Variants in TRPC4 observed in about 807,000 individuals in gnomAD.
TRPC4 encodes short transient receptor potential channel 4.
TRPC4 carries 49 observed loss-of-function variants against 99.4 expected under a neutral mutation model. The observed-to-expected ratio is 0.49, with a 90% CI of 0.39 to 0.63. The LOEUF is 0.63. Ranked by LOEUF, TRPC4 falls within the 20% of genes least tolerant of loss-of-function variation. The pLI, the probability that TRPC4 is intolerant of heterozygous loss-of-function variation, is 0.00. For missense variants in TRPC4, 898 were observed against 1,152.9 expected, an observed-to-expected ratio of 0.78 and a Z score of 3.20; for synonymous variants, 454 against 425.9, an observed-to-expected ratio of 1.07 and a Z score of -0.81.
intron 2 of TRPC4, among the ~76,000 whole-genome samples, chr13:37,755,461 A>T (rs1008489931): frequency 6.6e-6 from 1 of 151,790 alleles, no homozygotes; most frequent in African/African-American, 2.4e-5. Context: ...TAGTAGAGAC[A>T]GGGTCTCACT....
intron 2 of TRPC4, among the ~76,000 whole-genome samples, chr13:37,762,571 C>G (rs1275653183): frequency 2.0e-5 from 3 of 151,366 alleles, no homozygotes; most frequent in African/African-American, 7.3e-5. Flanking sequence ...TTTGTATGGA[C>G]ATGGATGAAA....
intron 3 of TRPC4, among the ~76,000 whole-genome samples, chr13:37,703,834 C>T (rs573511474): frequency 6.6e-6 from 1 of 151,912 alleles, no homozygotes; most frequent in South Asian, 2.1e-4. Context: ...TTACTCTAGG[C>T]ATTTATCCAA....
chr13:37,728,277 G>T (rs1275247758), intron 3 of TRPC4, among the ~76,000 whole-genome samples: 1 of 151,970 alleles, frequency 6.6e-6, no homozygotes, highest in South Asian at 2.1e-4. Context: ...AGTCTTATAT[G>T]CAGAAAACCC....
rs1566138476 is a variant in TRPC4 at position 37,745,485 on chromosome 13, C to T, written c.897+452G>A. Among the ~76,000 whole-genome samples, 39 of 119,712 alleles carry T rather than the reference C, an allele frequency of 3.3e-4. 1 individual carries two copies. The highest frequency in any genetic ancestry group is 6.5e-4 in the Admixed American group (8 of 12,336). The allele number at this position is 119,712 out of a possible 152,430, so 78.5% of individuals were successfully genotyped here. A position where few individuals can be genotyped will look rare whatever the true frequency, so the allele number is the denominator to read the frequency against. Reference sequence around the variant, plus strand: ...ATATATATATATATACACACACACACACACTTATATATACGTATATATGTA... The same window carrying T: ...ATATATATATATATACACACACACATACACTTATATATACGTATATATGTA... On this transcript the variant is annotated intron_variant, in intron 3 of 10. Transcript: ENST00000379705.
intron 1 of TRPC4, among the ~76,000 whole-genome samples, chr13:37,787,018 A>T (rs1375649572): frequency 6.6e-6 from 1 of 152,060 alleles, no homozygotes; most frequent in East Asian, 1.9e-4. Context: ...TAAGCAACAT[A>T]AAGATATACA....
chr13:37,667,301 A>G (rs1014677188), intron 5 of TRPC4, among the ~76,000 whole-genome samples: 2 of 152,084 alleles, frequency 1.3e-5, no homozygotes, highest in African/African-American at 4.8e-5. Flanking sequence ...TCATCTATGT[A>G]TCTCCTCAGG....
chr13:37,757,309 T>A (rs943781812), intron 2 of TRPC4, among the ~76,000 whole-genome samples: 1 of 152,044 alleles, frequency 6.6e-6, no homozygotes, highest in Admixed American at 6.6e-5. Flanking sequence ...TGAAGGAAAT[T>A]ACATATTCCA....
chr13:37,760,419 C>CT (rs2139236240), intron 2 of TRPC4, among the ~76,000 whole-genome samples: 1 of 151,936 alleles, frequency 6.6e-6, no homozygotes, highest in African/African-American at 2.4e-5. Flanking sequence ...CATTGGGCTG[C>CT]TTTTTTGCCT....
intron 4 of TRPC4, among the ~76,000 whole-genome samples, chr13:37,684,064 A>G (rs919266690): frequency 2.0e-5 from 3 of 152,162 alleles, no homozygotes; most frequent in Non-Finnish European, 4.4e-5. Flanking sequence ...CCTTAATAAA[A>G]CCATTATATG....
chr13:37,664,151 A>T (rs1952553312), intron 5 of TRPC4, among the ~76,000 whole-genome samples: 1 of 152,234 alleles, frequency 6.6e-6, no homozygotes, highest in Admixed American at 6.5e-5. Context: ...GTAAACTTTG[A>T]CCAGCAATTA....
chr13:37,805,878 A>C lies in TRPC4; in HGVS notation c.-27-22518T>G, dbSNP rs562931740. ...TTTCTTGATGTCTTTACTTGTGAAA[A>C]ATTCCACTGTTTATACAATGTCTTA... On this transcript the variant is annotated intron_variant, in intron 1 of 10. Transcript: ENST00000379705. Among the ~76,000 whole-genome samples, 7 of 152,180 alleles carry C rather than the reference A, an allele frequency of 4.6e-5. No individual in the cohort carries two copies. In the East Asian group the frequency reaches 1.4e-3, roughly 29 times the overall value.
At chr13:37,773,165 T>C (rs890300317) in intron 2 of TRPC4, among the ~76,000 whole-genome samples, 1 of 151,712 alleles carries the variant, frequency 6.6e-6, no homozygotes, top group Non-Finnish European at 1.5e-5. Context: ...TACTGCTTGG[T>C]GGCCAAGTTT....
At chr13:37,796,988 GTAAAGTAAAGTAAAGTAAAA>G (rs1566178160) in intron 1 of TRPC4, among the ~76,000 whole-genome samples, 1 of 26,502 alleles carries the variant, frequency 3.8e-5, no homozygotes, top group Non-Finnish European at 1.5e-4. Context: ...GTAAAGTAAA[GTAAAGTAAAGTAAAGTAAAA>G]TAAAATAAAA....
intron 1 of TRPC4, among the ~76,000 whole-genome samples, chr13:37,789,307 T>C (rs760109523): frequency 6.6e-6 from 1 of 152,158 alleles, no homozygotes; most frequent in Non-Finnish European, 1.5e-5. Context: ...TTTCCTTCCC[T>C]TGGGCACTTA....
intron 3 of TRPC4, among the ~76,000 whole-genome samples, chr13:37,740,885 C>T (rs929006690): frequency 6.6e-6 from 1 of 152,118 alleles, no homozygotes; most frequent in African/African-American, 2.4e-5. Context: ...ACTGGATAAA[C>T]AGAAGGTTAG....
intron 2 of TRPC4, among the ~76,000 whole-genome samples, chr13:37,756,832 G>A (rs1473152094): frequency 6.6e-6 from 1 of 151,876 alleles, no homozygotes; most frequent in Non-Finnish European, 1.5e-5. Context: ...ACCGTGACTG[G>A]CCTAAATACA....
rs144990570 is a variant in TRPC4, at chr13:37,792,003, T to G, written c.-27-8643A>C. On this transcript the variant is annotated intron_variant, in intron 1 of 10. Coordinates refer to ENST00000379705, the MANE Select transcript of TRPC4 (RefSeq NM_016179.4). ...TCAGGACAAGGACTTTGAAATTCAT[T>G]CTAGGCATAATAGGAAGTTACAGAA... 3.6e-3 allele frequency among the ~76,000 whole-genome samples: 547 copies of G among 152,264 alleles called. 2 individuals are homozygous for G. Among genetic ancestry groups the G allele is most frequent in the Middle Eastern group, 0.01 (3 of 294 alleles).
chr13:37,680,405 T>C (rs1018769917), intron 4 of TRPC4, among the ~76,000 whole-genome samples: 5 of 152,228 alleles, frequency 3.3e-5, no homozygotes, highest in African/African-American at 1.2e-4. Context: ...GAATCTTAGC[T>C]TAGCCTCTCT....
intron 1 of TRPC4, chr13:37,855,070 A>G (rs1959151587): frequency 6.6e-6 from 1 of 151,810 alleles, no homozygotes. Flanking sequence ...ATAAAGCCCC[A>G]TGTTCTATTT....
Sources: gnomAD v4.1 joint callset for allele counts (sites outside exome capture counted in the v4.1 genomes callset) on GRCh38, gnomAD v4.1.1 for gene constraint, MANE v1.5 for transcripts, NCBI Gene and HGNC (gene_info 2026-07-23, HGNC 2026-07-21) for gene names.